NPSR1: variants seen among roughly 807,000 people sequenced by gnomAD.
NPSR1 encodes the protein neuropeptide S receptor 1.
A neutral mutation model predicts 46.9 loss-of-function variants in NPSR1; 48 were observed. The observed-to-expected ratio is 1.02, with a 90% CI of 0.81 to 1.30. NPSR1 has a LOEUF of 1.30. NPSR1 is among the 50% of genes most tolerant of loss of function. The pLI is 0.00. For synonymous variants in NPSR1, 176 were observed against 168.1 expected, an observed-to-expected ratio of 1.05 and a Z score of -0.36; for missense variants, 450 against 449.5, an observed-to-expected ratio of 1.00 and a Z score of -0.01.
chr7:34,822,206 A>T (rs1021580595), intron 4 of NPSR1, among the ~76,000 whole-genome samples: 8 of 152,196 alleles, frequency 5.3e-5, no homozygotes, highest in South Asian at 2.1e-4. Context: ...CGCGGGAGTC[A>T]TTTTAGTACC....
chr7:34,703,041 G>A (rs1793914155), intron 2 of NPSR1, among the ~76,000 whole-genome samples: 1 of 152,182 alleles, frequency 6.6e-6, no homozygotes, highest in Non-Finnish European at 1.5e-5. Context: ...GTGATACTTA[G>A]CCAGCTACTG....
intron 2 of NPSR1, among the ~76,000 whole-genome samples, chr7:34,759,470 C>T (rs1416672495): frequency 6.6e-6 from 1 of 152,038 alleles, no homozygotes; most frequent in African/African-American, 2.4e-5. Context: ...CAGCAAGAGC[C>T]CTACAATTTG....
intron 3 of NPSR1, among the ~76,000 whole-genome samples, chr7:34,792,665 T>TTATATATATATGTATATATATATATTTA (rs201284297): frequency 1.5e-4 from 12 of 78,766 alleles, no homozygotes; most frequent in Admixed American, 2.8e-4. Flanking sequence ...ATATATATAT[T>TTATATATATATGTATATATATATATTTA]TATATATATG....
At chr7:34,811,464 G>C (rs903960187) in intron 3 of NPSR1, among the ~76,000 whole-genome samples, 4 of 152,108 alleles carry the variant, frequency 2.6e-5, no homozygotes. Context: ...TATGGGTACA[G>C]GATAGGGGCA....
chr7:34,833,239 A>G lies in NPSR1; in HGVS notation c.681-1145A>G, dbSNP rs1039081189. Among the ~76,000 whole-genome samples, 19 of 152,196 alleles carry G rather than the reference A, an allele frequency of 1.2e-4. 1 individual carries two copies. The highest frequency in any genetic ancestry group is 9.8e-4 in the Admixed American group (15 of 15,264). Reference sequence around the variant, plus strand: ...TAAAATAAAGCATTGCTTTGTCCCAAAGTTTTTAGTCAAGATGCTTAATGT... The same window carrying G: ...TAAAATAAAGCATTGCTTTGTCCCAGAGTTTTTAGTCAAGATGCTTAATGT... On this transcript the variant is annotated intron_variant, in intron 5 of 8. Coordinates refer to ENST00000360581, the MANE Select transcript of NPSR1 (RefSeq NM_207172.2).
At chr7:34,726,371 G>A (rs1041469374) in intron 2 of NPSR1, among the ~76,000 whole-genome samples, 6 of 152,200 alleles carry the variant, frequency 3.9e-5, no homozygotes, top group African/African-American at 7.2e-5. Flanking sequence ...AAATGCTGGT[G>A]GGGCTGTGGA....
intron 3 of NPSR1, among the ~76,000 whole-genome samples, chr7:34,799,242 ATTATT>A (rs1788353220): frequency 6.6e-6 from 1 of 152,132 alleles, no homozygotes; most frequent in Admixed American, 6.5e-5. Flanking sequence ...ATAAACGTAT[ATTATT>A]TTGTTTTTCA....
intron 2 of NPSR1, among the ~76,000 whole-genome samples, chr7:34,737,735 T>G (rs1462539270): frequency 6.6e-6 from 1 of 152,228 alleles, no homozygotes; most frequent in Non-Finnish European, 1.5e-5. Context: ...TTCTCTTATT[T>G]CTGACTTTAT....
intron 2 of NPSR1, among the ~76,000 whole-genome samples, chr7:34,735,967 AG>A (rs1317878559): frequency 6.6e-6 from 1 of 152,230 alleles, no homozygotes; most frequent in Non-Finnish European, 1.5e-5. Flanking sequence ...CATAAACTCC[AG>A]CTATATAAAA....
rs869140156 is a variant in NPSR1 at position 34,678,218 on chromosome 7, C to CTT, written c.148-6311_148-6310dup. ...GGATATGATACAAGGCTTTGCAATTCTTTTTTTTTTTTTTTTTTTTTTTTG... is the reference window on the plus strand; with the variant it reads ...GGATATGATACAAGGCTTTGCAATTCTTTTTTTTTTTTTTTTTTTTTTTTTTG... On this transcript the variant is annotated intron_variant, in intron 1 of 8. Transcript: ENST00000360581. Among the ~76,000 whole-genome samples, 139 of 100,682 alleles carry CTT rather than the reference C, an allele frequency of 1.4e-3. 3 individuals are homozygous for CTT. Among genetic ancestry groups the CTT allele is most frequent in the African/African-American group, 2.5e-3 (62 of 25,270 alleles). 66.1% of individuals were successfully genotyped at this position (100,682 alleles called of 152,430 possible).
At chr7:34,726,241 A>G (rs1033246588) in intron 2 of NPSR1, among the ~76,000 whole-genome samples, 5 of 152,234 alleles carry the variant, frequency 3.3e-5, no homozygotes, top group African/African-American at 1.2e-4. Context: ...CACAGATGGC[A>G]AATGAACATA....
At chr7:34,778,588 G>T in intron 3 of NPSR1, 23 bp downstream of exon 3, 1 of 1,428,806 alleles carries the variant, frequency 7.0e-7, no homozygotes, top group East Asian at 2.3e-5. Context: ...TTCCAAATGT[G>T]ATGAGACAAA....
intron 2 of NPSR1, chr7:34,711,551 A>G (rs933862596): frequency 6.6e-6 from 1 of 152,212 alleles, no homozygotes; most frequent in Non-Finnish European, 1.5e-5. Flanking sequence ...ATTTGAAAAA[A>G]AAATACATAG....
chr7:34,821,426 C>T (rs777524047), intron 4 of NPSR1, among the ~76,000 whole-genome samples: 3 of 152,014 alleles, frequency 2.0e-5, no homozygotes, highest in Non-Finnish European at 4.4e-5. Flanking sequence ...GCACCTGGCC[C>T]GTGATACACT....
chr7:34,755,405 C>A (rs865798126), intron 2 of NPSR1, among the ~76,000 whole-genome samples: 3 of 152,274 alleles, frequency 2.0e-5, no homozygotes, highest in African/African-American at 7.2e-5. Context: ...TAAATAGAAC[C>A]TTACAGTATG....
intron 5 of NPSR1, among the ~76,000 whole-genome samples, chr7:34,833,686 C>T (rs775537373): frequency 2.0e-5 from 3 of 152,192 alleles, no homozygotes; most frequent in African/African-American, 4.8e-5. Flanking sequence ...GTGGCTTAAC[C>T]GGGTCCTCTG....
chr7:34,679,298 T>C (rs1478132202), intron 1 of NPSR1, among the ~76,000 whole-genome samples: 1 of 152,030 alleles, frequency 6.6e-6, no homozygotes, highest in Non-Finnish European at 1.5e-5. Context: ...TCAGTTTAAG[T>C]CAAAAACAAA....
intron 2 of NPSR1, among the ~76,000 whole-genome samples, chr7:34,714,229 G>A (rs1288111058): frequency 1.3e-5 from 2 of 152,230 alleles, no homozygotes; most frequent in Non-Finnish European, 2.9e-5. Flanking sequence ...AAAGCTGCAA[G>A]GACTCCTATG....
intron 1 of NPSR1, among the ~76,000 whole-genome samples, chr7:34,659,779 G>A (rs1356650728): frequency 2.0e-5 from 3 of 152,140 alleles, no homozygotes; most frequent in Non-Finnish European, 4.4e-5. Flanking sequence ...GCCACTTAAT[G>A]TCGACTGAAT....
Sources: gnomAD v4.1 joint callset for allele counts (sites outside exome capture counted in the v4.1 genomes callset) on GRCh38, gnomAD v4.1.1 for gene constraint, MANE v1.5 for transcripts, NCBI Gene and HGNC (gene_info 2026-07-23, HGNC 2026-07-21) for gene names.